The following ARFGEF3 variants were observed in gnomAD, a reference collection of about 807,000 sequenced individuals.
The protein encoded by ARFGEF3 is brefeldin A-inhibited guanine nucleotide-exchange protein 3.
In ARFGEF3, 96 loss-of-function variants were observed where a neutral mutation model predicts 221.7. That is an observed-to-expected ratio of 0.43 (90% CI 0.37 to 0.51). ARFGEF3 has a LOEUF of 0.51. Ranked by LOEUF, ARFGEF3 falls within the 20% of genes least tolerant of loss-of-function variation. ARFGEF3 has a pLI of 0.00. For missense variants in ARFGEF3, 2,410 were observed against 2,789.9 expected (o/e 0.86, Z 3.07); for synonymous variants, 1,145 against 1,126.8 (o/e 1.02, Z -0.32).
intron 2 of ARFGEF3, among the ~76,000 whole-genome samples, chr6:138,201,690 G>A (rs1248559091): frequency 6.6e-6 from 1 of 152,134 alleles, no homozygotes; most frequent in Non-Finnish European, 1.5e-5. Context: ...GAAGGGGGTC[G>A]AGGGATAAAA....
At chr6:138,208,118 G>A (rs532433025) in intron 3 of ARFGEF3, among the ~76,000 whole-genome samples, 16 of 152,148 alleles carry the variant, frequency 1.1e-4, no homozygotes, top group African/African-American at 3.9e-4. Flanking sequence ...CTAATGTTGT[G>A]TAGATTTTGC....
intron 2 of ARFGEF3, among the ~76,000 whole-genome samples, chr6:138,187,943 G>A (rs970699277): frequency 3.9e-5 from 6 of 152,104 alleles, no homozygotes; most frequent in Non-Finnish European, 7.4e-5. Flanking sequence ...GGAAATGAGT[G>A]TGTGTGGGGG....
At chr6:138,225,746 A>G (rs936699259) in intron 4 of ARFGEF3, among the ~76,000 whole-genome samples, 3 of 152,194 alleles carry the variant, frequency 2.0e-5, no homozygotes, top group African/African-American at 7.2e-5. Context: ...TGAAAAACCA[A>G]AGGTTCTATG....
chr6:138,296,013 A>G (rs976075475), intron 20 of ARFGEF3, among the ~76,000 whole-genome samples: 15 of 152,230 alleles, frequency 9.9e-5, no homozygotes, highest in African/African-American at 3.4e-4. Flanking sequence ...ATGAGCAGGG[A>G]GAGAGCGGGG....
intron 21 of ARFGEF3, among the ~76,000 whole-genome samples, chr6:138,297,637 T>C (rs1167549464): frequency 2.0e-5 from 3 of 152,230 alleles, no homozygotes. Flanking sequence ...GAGAACATTC[T>C]AGTAAGCAAA....
intron 5 of ARFGEF3, among the ~76,000 whole-genome samples, chr6:138,235,850 A>G (rs1349183219): frequency 1.3e-5 from 2 of 152,158 alleles, no homozygotes; most frequent in Admixed American, 6.5e-5. Context: ...TTCAGTCTTT[A>G]CACTCCCAAC....
intron 6 of ARFGEF3, among the ~76,000 whole-genome samples, chr6:138,242,269 C>G (rs781188970): frequency 6.6e-6 from 1 of 152,208 alleles, no homozygotes; most frequent in Non-Finnish European, 1.5e-5. Flanking sequence ...AGTCTCTTCT[C>G]AGTAGTCACT....
intron 5 of ARFGEF3, among the ~76,000 whole-genome samples, chr6:138,237,935 T>C (rs1778316801): frequency 6.6e-6 from 1 of 152,216 alleles, no homozygotes; most frequent in Non-Finnish European, 1.5e-5. Flanking sequence ...GTATTTATAG[T>C]TGATTCACAG....
At chr6:138,270,579 A>G (rs1778986707) in intron 12 of ARFGEF3, among the ~76,000 whole-genome samples, 1 of 152,188 alleles carries the variant, frequency 6.6e-6, no homozygotes, top group Non-Finnish European at 1.5e-5. Flanking sequence ...CACATTGCCT[A>G]CCTGTAATGT....
intron 2 of ARFGEF3, among the ~76,000 whole-genome samples, chr6:138,206,387 C>A (rs1215686392): frequency 6.9e-6 from 1 of 145,954 alleles, no homozygotes; most frequent in Non-Finnish European, 1.5e-5. Flanking sequence ...GATAATGTTG[C>A]ATCTAGGCAC....
intron 10 of ARFGEF3, among the ~76,000 whole-genome samples, chr6:138,256,726 C>T (rs1487467880): frequency 1.3e-5 from 2 of 152,072 alleles, no homozygotes; most frequent in African/African-American, 4.8e-5. Flanking sequence ...ATGCCAGGCA[C>T]TTCACATATA....
At chr6:138,231,059 A>C in intron 5 of ARFGEF3, among the ~76,000 whole-genome samples, 1 of 152,170 alleles carries the variant, frequency 6.6e-6, no homozygotes, top group Non-Finnish European at 1.5e-5. Flanking sequence ...AGGGGAGACA[A>C]GGAGCAGAGG....
intron 22 of ARFGEF3, among the ~76,000 whole-genome samples, chr6:138,304,544 G>T (rs769040793): frequency 2.6e-5 from 4 of 152,122 alleles, no homozygotes; most frequent in Non-Finnish European, 5.9e-5. Flanking sequence ...CTAAAGCAGC[G>T]CTTAAAATTC....
intron 5 of ARFGEF3, among the ~76,000 whole-genome samples, chr6:138,232,238 G>C (rs1255627649): frequency 1.3e-5 from 2 of 152,190 alleles, no homozygotes; most frequent in African/African-American, 4.8e-5. Context: ...TGGGCACGGT[G>C]GCTCATGCCT....
chr6:138,209,161 A>G (rs964200182), intron 3 of ARFGEF3, among the ~76,000 whole-genome samples: 2 of 152,180 alleles, frequency 1.3e-5, no homozygotes, highest in Admixed American at 1.3e-4. Flanking sequence ...ATTCCTAAAT[A>G]ATTCCTGGAT....
chr6:138,275,282 TTGTC>T (rs1194618257), intron 12 of ARFGEF3, among the ~76,000 whole-genome samples: 3 of 152,116 alleles, frequency 2.0e-5, no homozygotes, highest in African/African-American at 7.2e-5. Context: ...CACTCTTTGA[TTGTC>T]TGAGGTGGTT....
intron 2 of ARFGEF3, among the ~76,000 whole-genome samples, chr6:138,183,222 T>A (rs765023769): frequency 1.3e-5 from 2 of 152,064 alleles, no homozygotes; most frequent in Non-Finnish European, 2.9e-5. Flanking sequence ...GGAGGGCTGC[T>A]GGATTTACCC....
At chr6:138,322,732 T>C (rs1263880133) in intron 29 of ARFGEF3, among the ~76,000 whole-genome samples, 3 of 149,278 alleles carry the variant, frequency 2.0e-5, no homozygotes, top group African/African-American at 7.4e-5. Flanking sequence ...GAGGCAGAGG[T>C]TGCAGTAAGA....
chr6:138,308,849 G>T lies in ARFGEF3; in HGVS notation c.4084G>T (p.Val1362Phe). The change falls in exon 24 of 34, where the codon GTC becomes TTC. Residue 1362 changes from valine to phenylalanine, a missense_variant. By Grantham distance (50) the Val-to-Phe change is conservative. This residue lies in a region of ARFGEF3 where 723 missense variants were observed against 991.9 expected (regional missense o/e 0.73). Transcript: ENST00000251691. ...TSYIMCLMKF[V>F]KGLGEVDCKE... ...CTACATCATGTGCCTTATGAAGTTT[G>T]TCAAAGGACTGGGTAAGCAGAACCC... The T allele has an allele frequency of 6.2e-7, 1 of 1,613,996 alleles. No homozygotes were observed. The highest frequency in any genetic ancestry group is 1.7e-5 in the Admixed American group (1 of 60,022).
Sources: gnomAD v4.1 joint callset for allele counts (sites outside exome capture counted in the v4.1 genomes callset) on GRCh38, gnomAD v4.1.1 for gene constraint, gnomAD v4.1.1 regional missense constraint, MANE v1.5 for transcripts, NCBI Gene and HGNC (gene_info 2026-07-23, HGNC 2026-07-21) for gene names.